EML6: variants seen among roughly 807,000 people sequenced by gnomAD.
The protein encoded by EML6 is echinoderm microtubule-associated protein-like 6.
A neutral mutation model predicts 240.1 loss-of-function variants in EML6; 154 were observed. That is an observed-to-expected ratio of 0.64 (90% CI 0.56 to 0.73). EML6 has a LOEUF of 0.73. Ranked by LOEUF, EML6 falls within the 30% of genes least tolerant of loss-of-function variation. The probability of loss-of-function intolerance (pLI) is 0.00; values close to 1 mark genes in which losing one functional copy is unlikely to be tolerated. For synonymous variants in EML6, 1,148 were observed against 899.0 expected (o/e 1.28, Z -4.95); for missense variants, 2,964 against 2,474.6 (o/e 1.20, Z -4.20).
chr2:54,809,373 T>C (rs1159231420), intron 2 of EML6, among the ~76,000 whole-genome samples: 1 of 152,210 alleles, frequency 6.6e-6, no homozygotes, highest in East Asian at 1.9e-4. Flanking sequence ...TTCTGTGACT[T>C]GCGCTATGGG....
intron 3 of EML6, among the ~76,000 whole-genome samples, chr2:54,813,872 C>T (rs985356531): frequency 1.3e-5 from 2 of 152,254 alleles, no homozygotes; most frequent in East Asian, 3.8e-4. Flanking sequence ...TACCTGTCCT[C>T]TCCCAATTCA....
At chr2:54,872,729 T>C (rs1671319525) in intron 16 of EML6, among the ~76,000 whole-genome samples, 1 of 152,242 alleles carries the variant, frequency 6.6e-6, no homozygotes, top group Admixed American at 6.5e-5. Flanking sequence ...CTACATGCAC[T>C]CTTGCCCTTC....
chr2:54,952,447 C>G, intron 30 of EML6, 147 bp from the exon 31 acceptor site: 1 of 572,250 alleles, frequency 1.7e-6, no homozygotes, highest in Non-Finnish European at 3.1e-6. Flanking sequence ...CTTCATCTCC[C>G]CAAGTGTGAT....
chr2:54,819,566 A>G (rs1241442890), intron 4 of EML6, among the ~76,000 whole-genome samples: 2 of 152,168 alleles, frequency 1.3e-5, no homozygotes, highest in African/African-American at 4.8e-5. Flanking sequence ...TCACGAGGTC[A>G]CAAGATTGAG....
chr2:54,943,460 T>C (rs3821112), intron 28 of EML6, among the ~76,000 whole-genome samples: 48,454 of 152,058 alleles, frequency 0.32, 8,077 homozygotes, highest in African/African-American at 0.35. Context: ...GGTCCTTTGA[T>C]TAATCTTATA....
chr2:54,745,017 G>C (rs1460021807), intron 2 of EML6, among the ~76,000 whole-genome samples: 1 of 151,782 alleles, frequency 6.6e-6, no homozygotes, highest in Non-Finnish European at 1.5e-5. Flanking sequence ...GCATTGTGGG[G>C]TGCGGAGAAG....
intron 2 of EML6, among the ~76,000 whole-genome samples, chr2:54,749,042 G>A (rs1393565535): frequency 6.6e-6 from 1 of 152,190 alleles, no homozygotes; most frequent in Non-Finnish European, 1.5e-5. Flanking sequence ...AATGGCCAGG[G>A]TCAAGGAATG....
In EML6 at chr2:54,916,957, C is replaced by G. The variant is rs967491411; in HGVS notation, c.3675+22C>G. 5 of 1,505,992 alleles carry G rather than the reference C, an allele frequency of 3.3e-6. No individual in the cohort carries two copies. In the East Asian group the frequency reaches 7.5e-5, roughly 23 times the overall value. The allele number at this position is 1,505,992 out of a possible 1,614,324, so 93.3% of individuals were successfully genotyped here. A position where few individuals can be genotyped will look rare whatever the true frequency, so the allele number is the denominator to read the frequency against. On this transcript the variant is annotated intron_variant, in intron 26 of 41. Coordinates refer to ENST00000356458, the MANE Select transcript of EML6 (RefSeq NM_001039753.4). ...CAAGGTAATATTGCGTGTTTATTAT[C>G]TTTACTTGCTCAGTCTCCTTAATAA...
In EML6 at chr2:54,895,375, G is replaced by A. The variant is rs1672708734; in HGVS notation, c.2957G>A (p.Ser986Asn). The A allele has an allele frequency of 1.3e-6, 2 of 1,552,018 alleles. No individual in the cohort carries two copies. The highest frequency in any genetic ancestry group is 1.7e-4 in the Middle Eastern group (1 of 5,998). ...GGAGAGATTCTGGAAATTGATAAGA[G>A]TGGCCCAATGACACTGCTTGTTCAG... ...KNGEILEIDK[S>N]GPMTLLVQGH... The change falls in exon 21 of 42, where the codon AGT (serine) becomes AAT (asparagine). Residue 986 changes from serine (S) to asparagine (N), a missense_variant. Physicochemically the swap from Ser to Asn is conservative, Grantham distance 46. Coordinates refer to ENST00000356458, the MANE Select transcript of EML6 (RefSeq NM_001039753.4).
At chr2:54,823,215 T>A (rs1201708313) in intron 5 of EML6, among the ~76,000 whole-genome samples, 1 of 152,174 alleles carries the variant, frequency 6.6e-6, no homozygotes, top group African/African-American at 2.4e-5. Flanking sequence ...AAAGATGACA[T>A]CCCAGCTGGC....
rs1676308379 is a variant in EML6, at chr2:54,957,904, C to T, written c.4601C>T (p.Thr1534Ile). Reference sequence around the variant, plus strand: ...GGGGTCAAACATATGAAGTTCTGGACCCTGGCAGGCAGCGCCTTGCTTTAC... The same window carrying T: ...GGGGTCAAACATATGAAGTTCTGGATCCTGGCAGGCAGCGCCTTGCTTTAC... ...SVGVKHMKFWTLAGSALLYKK... is the reference protein window; with the variant it reads ...SVGVKHMKFWILAGSALLYKK... Residue 1534 changes from threonine (T) to isoleucine (I), a missense_variant, in exon 33 of 42, where the codon ACC (threonine) becomes ATC (isoleucine). Coordinates refer to ENST00000356458, the MANE Select transcript of EML6 (RefSeq NM_001039753.4). The T allele has an allele frequency of 6.4e-7, 1 of 1,551,614 alleles. No individual in the cohort carries two copies. Among genetic ancestry groups the T allele is most frequent in the Non-Finnish European group, 8.7e-7 (1 of 1,146,998 alleles).
chr2:54,829,287 A>C, intron 6 of EML6, 55 bp from the exon 7 acceptor site: 2 of 1,500,934 alleles, frequency 1.3e-6, no homozygotes, highest in South Asian at 2.5e-5. Context: ...AACTGTATCT[A>C]TTCATTATAC....
At chr2:54,807,459 A>G (rs1670557813) in intron 2 of EML6, among the ~76,000 whole-genome samples, 1 of 152,192 alleles carries the variant, frequency 6.6e-6, no homozygotes, top group African/African-American at 2.4e-5. Context: ...ATTTTATCCT[A>G]TCTCTTAAGT....
chr2:54,856,950 C>T (rs1443009935), intron 11 of EML6, among the ~76,000 whole-genome samples: 2 of 151,994 alleles, frequency 1.3e-5, no homozygotes, highest in African/African-American at 4.8e-5. Context: ...AAAGGTTGGT[C>T]GGGCTTAGGA....
At chr2:54,788,070 C>G (rs533961890) in intron 2 of EML6, among the ~76,000 whole-genome samples, 64 of 152,306 alleles carry the variant, frequency 4.2e-4, no homozygotes, top group African/African-American at 1.5e-3. Context: ...GACCCCCTCC[C>G]TTCGCACGTG....
chr2:54,912,043 G>A (rs1044651584), intron 25 of EML6, among the ~76,000 whole-genome samples: 2 of 152,234 alleles, frequency 1.3e-5, no homozygotes, highest in East Asian at 3.8e-4. Flanking sequence ...TGAGTGGCAG[G>A]CATCTGCCTC....
chr2:54,842,208 A>G (rs546654826), intron 7 of EML6, among the ~76,000 whole-genome samples: 1 of 152,024 alleles, frequency 6.6e-6, no homozygotes, highest in African/African-American at 2.4e-5. Context: ...TGCCCTAAAA[A>G]TCCTCCATAC....
chr2:54,729,598 G>C (rs1683066431), intron 2 of EML6, among the ~76,000 whole-genome samples: 1 of 152,196 alleles, frequency 6.6e-6, no homozygotes, highest in Non-Finnish European at 1.5e-5. Context: ...GTCACTGTCT[G>C]GCAGACTGTG....
rs534273714 is a variant in EML6 at position 54,870,377 on chromosome 2, A to G, written c.2238+1010A>G. On this transcript the variant is annotated intron_variant, in intron 15 of 41. Coordinates refer to ENST00000356458, the MANE Select transcript of EML6 (RefSeq NM_001039753.4). ...AAGGGTAAGGGCTGACCATTGGTTT[A>G]TACATGAATTTGCTGGCCCTCCAAC... Among the ~76,000 whole-genome samples the G allele has an allele frequency of 6.0e-5, 9 of 150,022 alleles. 2 individuals carry two copies. Among genetic ancestry groups the G allele is most frequent in the African/African-American group, 1.9e-4 (8 of 41,388 alleles).
Sources: gnomAD v4.1 joint callset for allele counts (sites outside exome capture counted in the v4.1 genomes callset) on GRCh38, gnomAD v4.1.1 for gene constraint, MANE v1.5 for transcripts, NCBI Gene and HGNC (gene_info 2026-07-23, HGNC 2026-07-21) for gene names.